The following JARID2 variants were observed in gnomAD, a reference collection of about 807,000 sequenced individuals.
JARID2 encodes protein Jumonji.
JARID2 carries 21 observed loss-of-function variants against 125.6 expected under a neutral mutation model. The ratio of observed to expected loss-of-function variants is 0.17; its 90% CI spans 0.12 to 0.24. The LOEUF (loss-of-function observed/expected upper bound fraction) is 0.24. Ranked by LOEUF, JARID2 falls within the 10% of genes least tolerant of loss-of-function variation. The probability of loss-of-function intolerance (pLI) is 1.00; values close to 1 mark genes in which losing one functional copy is unlikely to be tolerated. For missense variants in JARID2, 1,303 were observed against 1,639.6 expected (o/e 0.79, Z 3.55); for synonymous variants, 736 against 661.6 (o/e 1.11, Z -1.73).
chr6:15,327,694 G>C (rs1287629141), intron 1 of JARID2, among the ~76,000 whole-genome samples: 1 of 152,128 alleles, frequency 6.6e-6, no homozygotes, highest in African/African-American at 2.4e-5. Context: ...AGCAATCTCT[G>C]GGGTAAAACA....
chr6:15,336,364 T>A (rs777186986), intron 1 of JARID2, among the ~76,000 whole-genome samples: 18 of 152,388 alleles, frequency 1.2e-4, no homozygotes, highest in Non-Finnish European at 2.2e-4. Context: ...AACCTAAGAT[T>A]AAATGTTTGT....
intron 8 of JARID2, among the ~76,000 whole-genome samples, chr6:15,502,560 G>C (rs980696573): frequency 1.3e-5 from 2 of 152,212 alleles, no homozygotes; most frequent in Non-Finnish European, 2.9e-5. Context: ...CTCTGGCCTG[G>C]CCTTGTAGTT....
intron 6 of JARID2, among the ~76,000 whole-genome samples, chr6:15,493,471 G>A (rs929676658): frequency 1.3e-4 from 20 of 152,286 alleles, no homozygotes; most frequent in African/African-American, 4.8e-4. Flanking sequence ...TTTGATTAGC[G>A]ATATACGAAG....
chr6:15,296,468 G>C (rs1761419647), intron 1 of JARID2, among the ~76,000 whole-genome samples: 1 of 152,072 alleles, frequency 6.6e-6, no homozygotes. Context: ...GCAAAACCTA[G>C]TACAAAGATT....
chr6:15,490,171 ATTAGACTGTGACCTTTCATCTT>A (rs1770080910), intron 6 of JARID2, among the ~76,000 whole-genome samples: 1 of 151,958 alleles, frequency 6.6e-6, no homozygotes, highest in Non-Finnish European at 1.5e-5. Context: ...GATACAAGTG[ATTAGACTGTGACCTTTCATCTT>A]TTCAACTGCA....
intron 2 of JARID2, among the ~76,000 whole-genome samples, chr6:15,403,156 G>C (rs1214541379): frequency 6.6e-6 from 1 of 152,182 alleles, no homozygotes; most frequent in African/African-American, 2.4e-5. Flanking sequence ...GTACATTTAT[G>C]TTCACAGTGG....
intron 1 of JARID2, among the ~76,000 whole-genome samples, chr6:15,325,356 C>T (rs143091345): frequency 6.6e-6 from 1 of 151,970 alleles, no homozygotes; most frequent in African/African-American, 2.4e-5. Context: ...CCTTTTTTTC[C>T]CCCTATTTAA....
chr6:15,427,724 A>G (rs1443159986), intron 3 of JARID2, among the ~76,000 whole-genome samples: 2 of 151,962 alleles, frequency 1.3e-5, no homozygotes, highest in Non-Finnish European at 2.9e-5. Context: ...AATCTTCCTT[A>G]GTGTGAATGT....
chr6:15,308,556 G>A (rs1425995854), intron 1 of JARID2, among the ~76,000 whole-genome samples: 1 of 152,148 alleles, frequency 6.6e-6, no homozygotes, highest in East Asian at 1.9e-4. Flanking sequence ...CTCCCCTGTG[G>A]TTAAATAGTG....
At chr6:15,255,388 C>T (rs1001730704) in intron 1 of JARID2, among the ~76,000 whole-genome samples, 6 of 152,146 alleles carry the variant, frequency 3.9e-5, no homozygotes, top group Non-Finnish European at 8.8e-5. Flanking sequence ...CAGGCGTGAG[C>T]CACTGCGCCT....
intron 14 of JARID2, 137 bp downstream of exon 14, chr6:15,512,527 T>A: frequency 5.8e-6 from 5 of 858,836 alleles, no homozygotes; most frequent in South Asian, 3.2e-5. Flanking sequence ...TTGAAATTCT[T>A]AAGACGTGGT....
intron 1 of JARID2, among the ~76,000 whole-genome samples, chr6:15,367,062 C>G (rs1764007065): frequency 6.6e-6 from 1 of 152,050 alleles, no homozygotes; most frequent in African/African-American, 2.4e-5. Flanking sequence ...TGACCCATGA[C>G]CCAGTTTCCA....
intron 3 of JARID2, among the ~76,000 whole-genome samples, chr6:15,413,023 G>GTTTTTTTTTTTTTT (rs1349875486): frequency 2.9e-5 from 2 of 68,006 alleles, no homozygotes; most frequent in African/African-American, 6.7e-5. Context: ...TTTTTTTTTT[G>GTTTTTTTTTTTTTT]TTTTTTTTTT....
intron 13 of JARID2, among the ~76,000 whole-genome samples, chr6:15,511,739 T>C (rs1028601363): frequency 3.3e-5 from 5 of 152,176 alleles, no homozygotes; most frequent in African/African-American, 4.8e-5. Flanking sequence ...CAGGAAGTCA[T>C]GGGGCTGGTG....
At chr6:15,381,390 G>A (rs1305816215) in intron 2 of JARID2, among the ~76,000 whole-genome samples, 1 of 150,018 alleles carries the variant, frequency 6.7e-6, no homozygotes, top group Non-Finnish European at 1.5e-5. Flanking sequence ...CTTTACCGAA[G>A]TGTTGATGTC....
intron 3 of JARID2, among the ~76,000 whole-genome samples, chr6:15,444,077 T>G (rs1767560841): frequency 6.6e-6 from 1 of 152,192 alleles, no homozygotes; most frequent in African/African-American, 2.4e-5. Flanking sequence ...TCCATCAGTT[T>G]ATGTGTAAAG....
chr6:15,511,267 C>G, intron 12 of JARID2, 29 bp from the exon 13 acceptor site: 2 of 1,513,494 alleles, frequency 1.3e-6, no homozygotes, highest in Non-Finnish European at 1.8e-6. Context: ...CAAGTCTCTG[C>G]TTGTCTCTTG....
At chr6:15,251,461 A>C (rs1759450593) in intron 1 of JARID2, among the ~76,000 whole-genome samples, 1 of 152,222 alleles carries the variant, frequency 6.6e-6, no homozygotes, top group South Asian at 2.1e-4. Flanking sequence ...CAGTAGTAGC[A>C]GCTCTACTAA....
At chr6:15,416,207 G>C (rs1435229735) in intron 3 of JARID2, among the ~76,000 whole-genome samples, 1 of 151,868 alleles carries the variant, frequency 6.6e-6, no homozygotes, top group East Asian at 1.9e-4. Flanking sequence ...TTCCAGACTG[G>C]GTAGCCAGGC....
Sources: allele counts gnomAD v4.1 joint callset (sites outside exome capture counted in the v4.1 genomes callset), GRCh38; gene constraint gnomAD v4.1.1; transcripts MANE v1.5; gene names NCBI Gene and HGNC (gene_info 2026-07-23, HGNC 2026-07-21).